TENM2: variants seen among roughly 807,000 people sequenced by gnomAD.
TENM2 encodes the protein teneurin-2.
TENM2 carries 52 observed loss-of-function variants against 245.2 expected under a neutral mutation model. The ratio of observed to expected loss-of-function variants is 0.21; its 90% CI spans 0.17 to 0.27. The LOEUF is 0.27. Ranked by LOEUF, TENM2 falls within the 10% of genes least tolerant of loss-of-function variation. TENM2 has a pLI of 1.00. For synonymous variants in TENM2, 1,363 were observed against 1,438.9 expected (o/e 0.95, Z 1.19); for missense variants, 3,046 against 3,666.8 (o/e 0.83, Z 4.37).
rs188940602 is a variant in TENM2 at position 167,612,319 on chromosome 5, C to T, written c.502+236846C>T. Among the ~76,000 whole-genome samples the T allele has an allele frequency of 5.9e-5, 9 of 152,134 alleles. No individual in the cohort carries two copies. In the South Asian group the frequency reaches 8.3e-4, roughly 14 times the overall value. On this transcript the variant is annotated intron_variant, in intron 2 of 28. Transcript: ENST00000518659. ...AGCGAGGACAGTTTCCATCAAGACA[C>T]GCATTTCCATGGAAACGAACTCACC...
At chr5:167,636,872 T>C (rs1369531626) in intron 2 of TENM2, among the ~76,000 whole-genome samples, 1 of 152,230 alleles carries the variant, frequency 6.6e-6, no homozygotes, top group Non-Finnish European at 1.5e-5. Flanking sequence ...GGCCCTATGC[T>C]AGTCCCTTTA....
At chr5:167,186,950 C>T in the TENM2 span, among the ~76,000 whole-genome samples, 1 of 152,200 alleles carries the variant, frequency 6.6e-6, no homozygotes, top group Non-Finnish European at 1.5e-5. Context: ...CACCTTATGT[C>T]TTCTGCTAAA....
At chr5:167,876,745 T>C (rs1773460794) in intron 3 of TENM2, among the ~76,000 whole-genome samples, 1 of 152,180 alleles carries the variant, frequency 6.6e-6, no homozygotes, top group South Asian at 2.1e-4. Flanking sequence ...GGGTGACCTC[T>C]CCTGTAACCC....
intron 2 of TENM2, among the ~76,000 whole-genome samples, chr5:167,651,369 A>T (rs1019420838): frequency 6.6e-5 from 10 of 151,702 alleles, no homozygotes; most frequent in African/African-American, 9.7e-5. Context: ...TTAGTGTGCA[A>T]GGTATTTCTT....
intron 22 of TENM2, among the ~76,000 whole-genome samples, chr5:168,217,859 G>A (rs2152564096): frequency 6.6e-6 from 1 of 152,300 alleles, no homozygotes; most frequent in South Asian, 2.1e-4. Context: ...CTGGAGCTGA[G>A]AAGCAGCATC....
chr5:167,871,554 T>C (rs1772827132), intron 2 of TENM2, among the ~76,000 whole-genome samples: 1 of 152,182 alleles, frequency 6.6e-6, no homozygotes. Context: ...TTGACTTTGA[T>C]TTACATGGGG....
the TENM2 span, among the ~76,000 whole-genome samples, chr5:167,228,221 G>A: frequency 6.6e-6 from 1 of 151,766 alleles, no homozygotes; most frequent in Non-Finnish European, 1.5e-5. Context: ...GTAGAGATGG[G>A]ATTTCACCAT....
chr5:167,759,630 G>A (rs1279718647), intron 2 of TENM2, among the ~76,000 whole-genome samples: 1 of 152,130 alleles, frequency 6.6e-6, no homozygotes, highest in African/African-American at 2.4e-5. Flanking sequence ...ACATCATGAT[G>A]GACAAGCCTG....
At chr5:167,734,326 A>T (rs1268814054) in intron 2 of TENM2, among the ~76,000 whole-genome samples, 1 of 152,016 alleles carries the variant, frequency 6.6e-6, no homozygotes, top group African/African-American at 2.4e-5. Flanking sequence ...ATCTTATCTC[A>T]AAGGTCCTTT....
intron 2 of TENM2, among the ~76,000 whole-genome samples, chr5:167,663,952 A>G (rs1755407511): frequency 6.6e-6 from 1 of 152,204 alleles, no homozygotes; most frequent in African/African-American, 2.4e-5. Context: ...AAATATAGTT[A>G]TAGGCTGAAT....
At chr5:167,110,065 A>G in the TENM2 span, among the ~76,000 whole-genome samples, 1 of 152,148 alleles carries the variant, frequency 6.6e-6, no homozygotes, top group East Asian at 1.9e-4. Flanking sequence ...TGCCCTTACC[A>G]GGATACCTAA....
chr5:167,054,527 A>G, the TENM2 span, among the ~76,000 whole-genome samples: 1 of 152,120 alleles, frequency 6.6e-6, no homozygotes, highest in Non-Finnish European at 1.5e-5. Flanking sequence ...ATAAGTTTTT[A>G]ACTCCGTTGA....
intron 2 of TENM2, among the ~76,000 whole-genome samples, chr5:167,665,778 T>C (rs1457308112): frequency 1.3e-5 from 2 of 152,186 alleles, no homozygotes; most frequent in Non-Finnish European, 2.9e-5. Flanking sequence ...TTTTTCCCCC[T>C]GGAAAGTGGC....
intron 1 of TENM2, among the ~76,000 whole-genome samples, chr5:167,300,933 C>T (rs1554131027): frequency 6.6e-6 from 1 of 151,926 alleles, no homozygotes; most frequent in Non-Finnish European, 1.5e-5. Flanking sequence ...TAAGTTGGCC[C>T]CAGAATTGGG....
At chr5:167,780,344 A>T (rs1412834068) in intron 2 of TENM2, among the ~76,000 whole-genome samples, 1 of 152,186 alleles carries the variant, frequency 6.6e-6, no homozygotes, top group Admixed American at 6.5e-5. Context: ...AGAGCGGTAA[A>T]AATCTTGAGT....
chr5:167,633,782 A>G (rs1173913025), intron 2 of TENM2, among the ~76,000 whole-genome samples: 5 of 152,200 alleles, frequency 3.3e-5, no homozygotes, highest in Non-Finnish European at 7.3e-5. Context: ...CAATTCTACA[A>G]AAGAAATTAA....
the TENM2 span, among the ~76,000 whole-genome samples, chr5:167,085,824 A>G: frequency 6.6e-6 from 1 of 152,196 alleles, no homozygotes; most frequent in African/African-American, 2.4e-5. Flanking sequence ...TAGAAGCCTT[A>G]TTTAAGATTG....
At chr5:167,981,340 G>T (rs1266808915) in intron 4 of TENM2, among the ~76,000 whole-genome samples, 1 of 152,214 alleles carries the variant, frequency 6.6e-6, no homozygotes, top group Admixed American at 6.5e-5. Flanking sequence ...CTGGAGAAGT[G>T]ATGACATCTG....
chr5:167,525,882 T>G (rs1404097493), intron 2 of TENM2, among the ~76,000 whole-genome samples: 1 of 152,134 alleles, frequency 6.6e-6, no homozygotes, highest in East Asian at 1.9e-4. Context: ...GTTGACACTA[T>G]TAGAAAAATG....
Sources: allele counts gnomAD v4.1 joint callset (sites outside exome capture counted in the v4.1 genomes callset), GRCh38; gene constraint gnomAD v4.1.1; transcripts MANE v1.5; gene names NCBI Gene and HGNC (gene_info 2026-07-23, HGNC 2026-07-21).